Variants in LGR4 observed in about 807,000 individuals in gnomAD.
The protein encoded by LGR4 is leucine rich repeat containing G protein-coupled receptor 4.
In LGR4, 44 loss-of-function variants were observed where a neutral mutation model predicts 84.8. That is an observed-to-expected ratio of 0.52 (90% CI 0.41 to 0.67). The LOEUF (loss-of-function observed/expected upper bound fraction) is 0.67. Among genes scored for constraint, LGR4 ranks in the 30% least tolerant of loss-of-function variants. The probability of loss-of-function intolerance (pLI) is 0.00; values close to 1 mark genes in which losing one functional copy is unlikely to be tolerated. For missense variants in LGR4, 1,032 were observed against 1,131.4 expected (o/e 0.91, Z 1.26); for synonymous variants, 429 against 434.3 (o/e 0.99, Z 0.15).
At chr11:27,432,728 C>A (rs1864135510) in intron 1 of LGR4, among the ~76,000 whole-genome samples, 4 of 152,164 alleles carry the variant, frequency 2.6e-5, no homozygotes, top group Non-Finnish European at 5.9e-5. Context: ...TCCTCTCCAC[C>A]CACTGGAAGA....
intron 1 of LGR4, among the ~76,000 whole-genome samples, chr11:27,457,689 T>C (rs1309097145): frequency 6.6e-6 from 1 of 152,226 alleles, no homozygotes; most frequent in East Asian, 1.9e-4. Flanking sequence ...TAAATACCTA[T>C]GTTCATACAA....
intron 1 of LGR4, among the ~76,000 whole-genome samples, chr11:27,445,454 A>G (rs1864374336): frequency 6.6e-6 from 1 of 152,192 alleles, no homozygotes; most frequent in African/African-American, 2.4e-5. Flanking sequence ...TGTTATGACG[A>G]TCAAGTAAAC....
At chr11:27,424,305 C>T (rs61887837) in intron 1 of LGR4, among the ~76,000 whole-genome samples, 1,619 of 152,092 alleles carry the variant, frequency 0.011, 7 homozygotes, top group Non-Finnish European at 0.016. Flanking sequence ...TTTGGGAGGC[C>T]GAGGAAGGAA....
chr11:27,393,486 T>A (rs769212217), intron 2 of LGR4, among the ~76,000 whole-genome samples: 23 of 152,122 alleles, frequency 1.5e-4, no homozygotes, highest in South Asian at 6.2e-4. Flanking sequence ...CAGGACCACA[T>A]AGTCACCAAG....
chr11:27,472,092 CTCG>C, intron 1 of LGR4, 23 bp downstream of exon 1: 4 of 1,216,530 alleles, frequency 3.3e-6, no homozygotes, highest in South Asian at 2.4e-5. Flanking sequence ...CTCCCCCCCC[CTCG>C]CGTCCCCGCC....
intron 1 of LGR4, among the ~76,000 whole-genome samples, chr11:27,415,504 C>A (rs562817485): frequency 6.6e-6 from 1 of 152,094 alleles, no homozygotes; most frequent in African/African-American, 2.4e-5. Flanking sequence ...CAAGACGTAA[C>A]AGGTAGTTTT....
At chr11:27,425,752 A>G (rs1864012896) in intron 1 of LGR4, among the ~76,000 whole-genome samples, 1 of 152,170 alleles carries the variant, frequency 6.6e-6, no homozygotes, top group African/African-American at 2.4e-5. Context: ...TGATGGGAAG[A>G]GGTGGAATTT....
chr11:27,371,035 A>G (rs1565068346), intron 17 of LGR4, among the ~76,000 whole-genome samples: 2 of 152,216 alleles, frequency 1.3e-5, no homozygotes. Flanking sequence ...TCTGAGTCAT[A>G]AAATTAATGT....
At chr11:27,441,478 A>G (rs1183351534) in intron 1 of LGR4, among the ~76,000 whole-genome samples, 1 of 152,044 alleles carries the variant, frequency 6.6e-6, no homozygotes, top group Non-Finnish European at 1.5e-5. Flanking sequence ...ATCGCCTTTA[A>G]TAAGACAACA....
intron 1 of LGR4, among the ~76,000 whole-genome samples, chr11:27,461,392 AAAAT>A (rs1270335584): frequency 2.0e-5 from 3 of 152,108 alleles, no homozygotes; most frequent in African/African-American, 7.2e-5. Context: ...GTAAAATCAT[AAAAT>A]AAATACTTTC....
At chr11:27,443,696 T>C (rs964338259) in intron 1 of LGR4, among the ~76,000 whole-genome samples, 1 of 152,164 alleles carries the variant, frequency 6.6e-6, no homozygotes, top group African/African-American at 2.4e-5. Context: ...TTCATGAAAA[T>C]TCCAGGGCAT....
intron 1 of LGR4, among the ~76,000 whole-genome samples, chr11:27,422,177 C>T (rs981739399): frequency 6.6e-6 from 1 of 152,158 alleles, no homozygotes; most frequent in African/African-American, 2.4e-5. Context: ...AAATTGGAAA[C>T]ACTCAATTAC....
intron 1 of LGR4, among the ~76,000 whole-genome samples, chr11:27,449,642 AG>A (rs1178336213): frequency 4.6e-5 from 7 of 152,070 alleles, no homozygotes; most frequent in African/African-American, 1.7e-4. Context: ...AAAAAAAAGA[AG>A]AAGACCAATA....
chr11:27,425,393 C>A (rs1864005769), intron 1 of LGR4, among the ~76,000 whole-genome samples: 1 of 151,128 alleles, frequency 6.6e-6, no homozygotes, highest in Non-Finnish European at 1.5e-5. Flanking sequence ...ACATGTGGCA[C>A]AATCAGAGCT....
chr11:27,394,401 A>G (rs903537813), intron 2 of LGR4, among the ~76,000 whole-genome samples: 8 of 151,856 alleles, frequency 5.3e-5, no homozygotes, highest in Non-Finnish European at 1.2e-4. Flanking sequence ...TTACTTATTT[A>G]TTTTATTTAT....
intron 2 of LGR4, among the ~76,000 whole-genome samples, chr11:27,407,901 T>C (rs1863641653): frequency 6.6e-6 from 1 of 152,240 alleles, no homozygotes; most frequent in Middle Eastern, 3.4e-3. Context: ...ATATTTTGTA[T>C]GTGTGTGGAA....
intron 13 of LGR4, among the ~76,000 whole-genome samples, 162 bp downstream of exon 13, chr11:27,376,137 C>T (rs567893209): frequency 1.1e-3 from 164 of 147,800 alleles, no homozygotes; most frequent in African/African-American, 3.8e-3. Context: ...CCACTATGCC[C>T]GGCTAATTTT....
intron 1 of LGR4, among the ~76,000 whole-genome samples, chr11:27,434,093 T>C (rs1329185136): frequency 6.6e-6 from 1 of 152,206 alleles, no homozygotes; most frequent in African/African-American, 2.4e-5. Context: ...TTAAGGCATT[T>C]TTATTACTAT....
At chr11:27,390,324 C>T (rs1863260217) in intron 4 of LGR4, among the ~76,000 whole-genome samples, 1 of 152,114 alleles carries the variant, frequency 6.6e-6, no homozygotes, top group African/African-American at 2.4e-5. Flanking sequence ...GTCGCTAAAA[C>T]ACAATTTTAT....
Sources: gnomAD v4.1 joint callset for allele counts (sites outside exome capture counted in the v4.1 genomes callset) on GRCh38, gnomAD v4.1.1 for gene constraint, MANE v1.5 for transcripts, NCBI Gene and HGNC (gene_info 2026-07-23, HGNC 2026-07-21) for gene names.